TENM3: variants seen among roughly 807,000 people sequenced by gnomAD.
The protein encoded by TENM3 is teneurin-3.
TENM3 carries 63 observed loss-of-function variants against 255.1 expected under a neutral mutation model. That is an observed-to-expected ratio of 0.25 (90% CI 0.20 to 0.30). TENM3 has a LOEUF of 0.30. Ranked by LOEUF, TENM3 falls within the 10% of genes least tolerant of loss-of-function variation. The pLI is 1.00. For missense variants in TENM3, 2,929 were observed against 3,461.1 expected (o/e 0.85, Z 3.86); for synonymous variants, 1,306 against 1,322.3 (o/e 0.99, Z 0.27).
intron 3 of TENM3, among the ~76,000 whole-genome samples, chr4:182,577,157 C>G (rs898617078): frequency 6.6e-6 from 1 of 152,214 alleles, no homozygotes. Context: ...ATCGGAAAAA[C>G]CTTCTGAGAA....
chr4:181,653,204 C>T, the TENM3 span, among the ~76,000 whole-genome samples: 3 of 152,254 alleles, frequency 2.0e-5, no homozygotes, highest in South Asian at 2.1e-4. Context: ...CTCAGGCTTC[C>T]GCACTATTCA....
At chr4:181,981,041 AC>A in the TENM3 span, among the ~76,000 whole-genome samples, 4 of 151,634 alleles carry the variant, frequency 2.6e-5, no homozygotes, top group Non-Finnish European at 4.4e-5. Flanking sequence ...GGACTCCAAC[AC>A]CCCCATGCGT....
chr4:181,883,676 G>A, the TENM3 span, among the ~76,000 whole-genome samples: 1 of 151,908 alleles, frequency 6.6e-6, no homozygotes, highest in Non-Finnish European at 1.5e-5. Flanking sequence ...GGGTTTCATC[G>A]TTGTGTTAGC....
At chr4:182,445,675 TC>T (rs1486982412) in intron 3 of TENM3, among the ~76,000 whole-genome samples, 3 of 152,206 alleles carry the variant, frequency 2.0e-5, no homozygotes, top group Non-Finnish European at 4.4e-5. Flanking sequence ...AAAATCTTCC[TC>T]GTGGTGTTCG....
At chr4:181,821,468 T>A in the TENM3 span, 1 of 152,180 alleles carries the variant, frequency 6.6e-6, no homozygotes, top group South Asian at 2.1e-4. Context: ...ATTCCACAGC[T>A]CCTAGCAGAG....
At chr4:182,764,547 T>C (rs1431725333) in intron 22 of TENM3, among the ~76,000 whole-genome samples, 17 of 152,258 alleles carry the variant, frequency 1.1e-4, no homozygotes, top group Non-Finnish European at 2.1e-4. Flanking sequence ...ATTTTTAAGA[T>C]CAGTGTTGCA....
At chr4:182,550,918 T>C (rs1560909416) in intron 3 of TENM3, among the ~76,000 whole-genome samples, 3 of 152,126 alleles carry the variant, frequency 2.0e-5, no homozygotes, top group Non-Finnish European at 2.9e-5. Context: ...TGATTTAGTT[T>C]CTGTCACAAA....
the TENM3 span, among the ~76,000 whole-genome samples, chr4:181,620,173 A>G: frequency 6.6e-6 from 1 of 151,994 alleles, no homozygotes; most frequent in East Asian, 1.9e-4. Context: ...AGGTGGGAGG[A>G]TCACTTGATC....
rs556374273 is a variant in TENM3, at chr4:182,528,447, T to C, written c.512-72477T>C. ...TATACAAATACTGTATTATAAAACA[T>C]TTAATGAAATTACAGAATTCTGAAG... On this transcript the variant is annotated intron_variant, in intron 3 of 27. Transcript: ENST00000511685. Among the ~76,000 whole-genome samples the C allele has an allele frequency of 3.3e-4, 50 of 152,284 alleles. 1 individual carries two copies. The South Asian group carries it at 0.01, about 31-fold the overall frequency.
At chr4:182,375,396 A>C (rs1360609600) in intron 3 of TENM3, among the ~76,000 whole-genome samples, 1 of 152,200 alleles carries the variant, frequency 6.6e-6, no homozygotes, top group African/African-American at 2.4e-5. Context: ...GCACAATGTC[A>C]CAAAATGCTG....
At chr4:182,794,553 T>G (rs1286694315) in intron 26 of TENM3, among the ~76,000 whole-genome samples, 1 of 152,214 alleles carries the variant, frequency 6.6e-6, no homozygotes, top group Non-Finnish European at 1.5e-5. Context: ...GTGTCTGGAC[T>G]CACTTCTGTC....
chr4:181,873,741 G>GGT, the TENM3 span, among the ~76,000 whole-genome samples: 654 of 148,866 alleles, frequency 4.4e-3, 11 homozygotes, highest in African/African-American at 0.015. Context: ...TCTTGAGTAT[G>GGT]GTGTGTGTGT....
At chr4:181,521,170 C>T in the TENM3 span, among the ~76,000 whole-genome samples, 1 of 152,228 alleles carries the variant, frequency 6.6e-6, no homozygotes, top group Non-Finnish European at 1.5e-5. Context: ...CTCTTTACAT[C>T]TGAGACCCTG....
intron 3 of TENM3, among the ~76,000 whole-genome samples, chr4:182,371,229 T>TCACACA (rs3221610): frequency 0.061 from 8,751 of 144,094 alleles, 278 homozygotes; most frequent in African/African-American, 0.084. Context: ...CTCCTCCCCA[T>TCACACA]CACACACACA....
chr4:181,979,236 T>G, the TENM3 span, among the ~76,000 whole-genome samples: 1 of 147,508 alleles, frequency 6.8e-6, no homozygotes, highest in Non-Finnish European at 1.5e-5. Context: ...TTTTTTTTCT[T>G]CGTATTTCTT....
intron 3 of TENM3, among the ~76,000 whole-genome samples, chr4:182,408,400 G>T (rs1769737947): frequency 6.6e-6 from 1 of 152,140 alleles, no homozygotes; most frequent in Non-Finnish European, 1.5e-5. Flanking sequence ...GCAGTTAGGG[G>T]GTAAGGCTTT....
At chr4:182,388,276 C>T (rs958537240) in intron 3 of TENM3, among the ~76,000 whole-genome samples, 1 of 152,138 alleles carries the variant, frequency 6.6e-6, no homozygotes, top group African/African-American at 2.4e-5. Context: ...AGTCCTCTGC[C>T]TGGCCTCATC....
intron 5 of TENM3, among the ~76,000 whole-genome samples, chr4:182,650,893 T>A (rs867108819): frequency 0.44 from 23,021 of 52,316 alleles, 2,221 homozygotes; most frequent in African/African-American, 0.5. Context: ...AAAAAAAATA[T>A]ATATATATAT....
At chr4:181,520,756 A>AAT in the TENM3 span, among the ~76,000 whole-genome samples, 1 of 152,156 alleles carries the variant, frequency 6.6e-6, no homozygotes, top group Non-Finnish European at 1.5e-5. Context: ...AGATATGGAT[A>AAT]ATATCAGGCA....
Sources: allele counts gnomAD v4.1 joint callset (sites outside exome capture counted in the v4.1 genomes callset), GRCh38; gene constraint gnomAD v4.1.1; transcripts MANE v1.5; gene names NCBI Gene and HGNC (gene_info 2026-07-23, HGNC 2026-07-21).